Variants in CABLES1 observed in about 807,000 individuals in gnomAD.
The protein encoded by CABLES1 is Cdk5 and Abl enzyme substrate 1, also known as CDK5 and ABL1 enzyme substrate 1.
A neutral mutation model predicts 57.8 loss-of-function variants in CABLES1; 36 were observed. The ratio of observed to expected loss-of-function variants is 0.62; its 90% CI spans 0.48 to 0.82. CABLES1 has a LOEUF of 0.82. CABLES1 is among the 40% of genes least tolerant of loss of function. The probability of loss-of-function intolerance (pLI) is 0.00; values close to 1 mark genes in which losing one functional copy is unlikely to be tolerated. For missense variants in CABLES1, 767 were observed against 836.6 expected (o/e 0.92, Z 1.03); for synonymous variants, 374 against 363.0 (o/e 1.03, Z -0.35).
chr18:23,139,959 T>C (rs935966208), intron 1 of CABLES1, among the ~76,000 whole-genome samples: 21 of 152,228 alleles, frequency 1.4e-4, no homozygotes, highest in African/African-American at 5.1e-4. Flanking sequence ...AAATTTAGCC[T>C]CTTCGTTTGC....
chr18:23,141,779 C>CT (rs1658898581), intron 1 of CABLES1, among the ~76,000 whole-genome samples: 1 of 152,186 alleles, frequency 6.6e-6, no homozygotes, highest in Non-Finnish European at 1.5e-5. Context: ...CTTTTGCTCT[C>CT]TGAATGGGTG....
chr18:23,213,173 T>C (rs1001124443), intron 3 of CABLES1, among the ~76,000 whole-genome samples: 1 of 152,192 alleles, frequency 6.6e-6, no homozygotes, highest in Non-Finnish European at 1.5e-5. Flanking sequence ...CCTGGTCTTA[T>C]GGTTGTCGAA....
intron 4 of CABLES1, among the ~76,000 whole-genome samples, chr18:23,215,028 T>TCTA (rs1427056232): frequency 6.6e-6 from 1 of 152,194 alleles, no homozygotes; most frequent in Non-Finnish European, 1.5e-5. Flanking sequence ...AGAAAACACA[T>TCTA]CTATATTCAT....
intron 3 of CABLES1, among the ~76,000 whole-genome samples, chr18:23,201,566 A>C (rs1204074673): frequency 1.3e-5 from 2 of 152,208 alleles, no homozygotes; most frequent in East Asian, 3.8e-4. Context: ...GAAAGTAGAT[A>C]AGAGGTTACC....
At chr18:23,200,516 C>T (rs1207205458) in intron 3 of CABLES1, among the ~76,000 whole-genome samples, 1 of 152,060 alleles carries the variant, frequency 6.6e-6, no homozygotes, top group Non-Finnish European at 1.5e-5. Flanking sequence ...CCCGCCTTGG[C>T]CTCCCAAAGT....
intron 3 of CABLES1, among the ~76,000 whole-genome samples, chr18:23,195,761 C>G (rs559258593): frequency 5.3e-5 from 8 of 152,330 alleles, no homozygotes; most frequent in African/African-American, 1.7e-4. Flanking sequence ...ATTTCTCTCT[C>G]TCACCCTTTT....
chr18:23,215,082 C>T (rs1242328074), intron 4 of CABLES1, among the ~76,000 whole-genome samples: 1 of 152,174 alleles, frequency 6.6e-6, no homozygotes, highest in Non-Finnish European at 1.5e-5. Flanking sequence ...CCTTAAGGAG[C>T]GATAATCATG....
intron 1 of CABLES1, among the ~76,000 whole-genome samples, chr18:23,174,760 A>C: frequency 6.9e-6 from 1 of 145,806 alleles, no homozygotes; most frequent in Non-Finnish European, 1.5e-5. Context: ...GTGTGAGCCC[A>C]CCGCGCCCGG....
At chr18:23,246,179 G>A (rs1013951123) in intron 7 of CABLES1, among the ~76,000 whole-genome samples, 4 of 151,652 alleles carry the variant, frequency 2.6e-5, no homozygotes, top group South Asian at 2.1e-4. Context: ...CAAAAGAATC[G>A]CTTGAACCTG....
Position 23,258,765 on chromosome 18 carries a change from A to T in CABLES1, c.*1398A>T, listed in dbSNP as rs1376623262. On this transcript the variant is annotated 3_prime_UTR_variant, in exon 10 of 10. Coordinates refer to ENST00000256925, the MANE Select transcript of CABLES1 (RefSeq NM_001100619.3). ...AGGTCACAGATTCGGAGCTTCACAC[A>T]CCAGCCCAGAGAAAGGGCGATGGAA... 6.6e-6 allele frequency: 1 copy of T among 152,192 alleles called. No individual in the cohort carries two copies. Among genetic ancestry groups the T allele is most frequent in the Non-Finnish European group, 1.5e-5 (1 of 68,046 alleles). The allele number at this position is 152,192 out of a possible 1,614,324, so 9.4% of individuals were successfully genotyped here.
At chr18:23,234,886 G>A (rs2047592238) in intron 5 of CABLES1, among the ~76,000 whole-genome samples, 182 bp downstream of exon 5, 2 of 152,246 alleles carry the variant, frequency 1.3e-5, no homozygotes, top group East Asian at 3.9e-4. Context: ...TTGAGTAGCA[G>A]CATGGCAGGA....
intron 1 of CABLES1, among the ~76,000 whole-genome samples, chr18:23,150,208 T>TTTG (rs1454091023): frequency 9.6e-4 from 9 of 9,402 alleles, no homozygotes; most frequent in Middle Eastern, 0.05. Context: ...TTGGTGTTTG[T>TTTG]TTTTTTTTTT....
chr18:23,135,629 C>A lies in CABLES1; in HGVS notation c.-134C>A, dbSNP rs912265427. 3 of 736,722 alleles carry A rather than the reference C, an allele frequency of 4.1e-6. No individual in the cohort carries two copies. Among genetic ancestry groups the A allele is most frequent in the Non-Finnish European group, 3.3e-6 (2 of 604,904 alleles). 45.6% of individuals were successfully genotyped at this position (736,722 alleles called of 1,614,324 possible). A position where few individuals can be genotyped will look rare whatever the true frequency, so the allele number is the denominator to read the frequency against. Reference sequence around the variant, plus strand: ...CGAGCATGGCCCGCCCGCGGGGGGGCTGGACCGCCGCGCACGCCGCCCGAT... The same window carrying A: ...CGAGCATGGCCCGCCCGCGGGGGGGATGGACCGCCGCGCACGCCGCCCGAT... On this transcript the variant is annotated 5_prime_UTR_variant, in exon 1 of 10. It adds an upstream start codon to the 5' untranslated region. Coordinates refer to ENST00000256925, the MANE Select transcript of CABLES1 (RefSeq NM_001100619.3).
At chr18:23,161,200 ACT>A (rs1399240764) in intron 1 of CABLES1, among the ~76,000 whole-genome samples, 5 of 151,954 alleles carry the variant, frequency 3.3e-5, no homozygotes, top group Non-Finnish European at 7.4e-5. Flanking sequence ...CAGAGGGGAG[ACT>A]CTGTCTCTCA....
In CABLES1 at chr18:23,235,724, G is replaced by A. The variant is rs991597184; in HGVS notation, c.1186-171G>A. On this transcript the variant is annotated intron_variant, in intron 5 of 9. Coordinates refer to ENST00000256925, the MANE Select transcript of CABLES1 (RefSeq NM_001100619.3). ...CTTATGTCAGTTCAGGTTGGGTGTT[G>A]GCACCAATGAGTACCAAAACAAATT... Among the ~76,000 whole-genome samples, 4 of 152,174 alleles carry A rather than the reference G, an allele frequency of 2.6e-5. No homozygotes were observed. In the East Asian group the frequency reaches 7.7e-4, roughly 29 times the overall value.
intron 7 of CABLES1, among the ~76,000 whole-genome samples, chr18:23,243,462 T>A (rs1033810286): frequency 4.7e-5 from 7 of 148,010 alleles, no homozygotes; most frequent in Non-Finnish European, 5.9e-5. Flanking sequence ...TGGGTGTGGG[T>A]TTGGTGTTTT....
At chr18:23,220,976 G>A (rs1341776603) in intron 4 of CABLES1, among the ~76,000 whole-genome samples, 1 of 152,202 alleles carries the variant, frequency 6.6e-6, no homozygotes, top group Non-Finnish European at 1.5e-5. Flanking sequence ...AGGTGTGGGT[G>A]TTCCTGGCTC....
intron 1 of CABLES1, among the ~76,000 whole-genome samples, chr18:23,147,097 G>T (rs529250350): frequency 6.6e-6 from 1 of 152,322 alleles, no homozygotes; most frequent in South Asian, 2.1e-4. Context: ...CAGGCCAATA[G>T]AACCCTGATT....
chr18:23,223,482 G>A (rs1781675994), intron 4 of CABLES1, among the ~76,000 whole-genome samples: 1 of 151,698 alleles, frequency 6.6e-6, no homozygotes, highest in Non-Finnish European at 1.5e-5. Context: ...GGAGGCTGAG[G>A]CAGGAGAATC....
Sources: gnomAD v4.1 joint callset for allele counts (sites outside exome capture counted in the v4.1 genomes callset) on GRCh38, gnomAD v4.1.1 for gene constraint, MANE v1.5 for transcripts, NCBI Gene and HGNC (gene_info 2026-07-23, HGNC 2026-07-21) for gene names.